The following BBS7 variants were observed in gnomAD, a reference collection of about 807,000 sequenced individuals.
BBS7 encodes Bardet-Biedl syndrome 7.
A neutral mutation model predicts 90.3 loss-of-function variants in BBS7; 50 were observed. That is an observed-to-expected ratio of 0.55 (90% CI 0.44 to 0.70). The LOEUF is 0.70. BBS7 is among the 30% of genes least tolerant of loss of function. BBS7 has a pLI of 0.00. For synonymous variants in BBS7, 235 were observed against 287.4 expected, an observed-to-expected ratio of 0.82 and a Z score of 1.85; for missense variants, 729 against 838.9, an observed-to-expected ratio of 0.87 and a Z score of 1.62.
intron 7 of BBS7, 79 bp downstream of exon 7, chr4:121,854,625 T>C (rs1726500548): frequency 7.3e-7 from 1 of 1,378,324 alleles, no homozygotes; most frequent in Non-Finnish European, 9.8e-7. Context: ...TATAAATAGA[T>C]AAAATAGAAT....
At chr4:121,865,316 G>A (rs556127273) in intron 2 of BBS7, among the ~76,000 whole-genome samples, 1 of 150,788 alleles carries the variant, frequency 6.6e-6, no homozygotes, top group Admixed American at 6.6e-5. Context: ...TCAGCTCACT[G>A]CAACCTCTGC....
chr4:121,848,719 T>A (rs1459606888), intron 9 of BBS7, 125 bp downstream of exon 9: 2 of 721,082 alleles, frequency 2.8e-6, no homozygotes, highest in East Asian at 2.8e-5. Context: ...TTGGAATGGA[T>A]TCCCCATGAA....
chr4:121,839,668 T>G lies in BBS7; in HGVS notation c.1334A>C (p.Tyr445Ser). Residue 445 changes from tyrosine to serine, a missense_variant, in exon 13 of 19, where the codon TAT (tyrosine) becomes TCT (serine). Transcript: ENST00000264499. ...ESNDNFLLAT[Y>S]RCQADTTRLE... Reference sequence around the variant, plus strand: ...CCTTGTAGTATCTGCCTGGCACCGATAAGTGGCAAGAAGGAAGTTGTCGTT... The same window carrying G: ...CCTTGTAGTATCTGCCTGGCACCGAGAAGTGGCAAGAAGGAAGTTGTCGTT... 6.2e-7 allele frequency: 1 copy of G among 1,613,912 alleles called. No homozygotes were observed. The highest frequency in any genetic ancestry group is 1.7e-5 in the Admixed American group (1 of 60,002).
chr4:121,854,848 T>C (rs1358814219), intron 6 of BBS7, 28 bp from the exon 7 acceptor site: 3 of 1,583,210 alleles, frequency 1.9e-6, no homozygotes, highest in Admixed American at 3.3e-5. Flanking sequence ...CAACATATTA[T>C]ATTTATCCTA....
intron 14 of BBS7, 65 bp from the exon 15 acceptor site, chr4:121,833,460 G>T: frequency 7.0e-7 from 1 of 1,421,100 alleles, no homozygotes; most frequent in Non-Finnish European, 9.9e-7. Context: ...ATATGTACAC[G>T]TTAATAAGCA....
chr4:121,839,480 A>T (rs1171436657), intron 13 of BBS7, 151 bp downstream of exon 13: 2 of 673,554 alleles, frequency 3.0e-6, no homozygotes, highest in African/African-American at 3.6e-5. Flanking sequence ...GCTAAATTAC[A>T]TCCTAACTGG....
At chr4:121,860,963 G>A (rs1306952935) in intron 4 of BBS7, among the ~76,000 whole-genome samples, 1 of 152,184 alleles carries the variant, frequency 6.6e-6, no homozygotes, top group Non-Finnish European at 1.5e-5. Context: ...ATTCTTCTAA[G>A]TAGCAAATAT....
chr4:121,852,917 G>T, intron 8 of BBS7, 39 bp downstream of exon 8: 1 of 1,594,810 alleles, frequency 6.3e-7, no homozygotes, highest in South Asian at 1.1e-5. Context: ...ATAATAATTT[G>T]ACAAATAATA....
chr4:121,865,131 A>G (rs551061998), intron 2 of BBS7, among the ~76,000 whole-genome samples: 5 of 152,208 alleles, frequency 3.3e-5, no homozygotes, highest in African/African-American at 1.2e-4. Flanking sequence ...TCCACATATT[A>G]ATGAGAACAT....
chr4:121,857,574 T>C (rs1242495406), intron 5 of BBS7, among the ~76,000 whole-genome samples: 2 of 152,160 alleles, frequency 1.3e-5, no homozygotes, highest in African/African-American at 4.8e-5. Flanking sequence ...GAAAAAAGCA[T>C]GCGGTGCAGA....
chr4:121,846,917 G>A (rs1027385103), intron 10 of BBS7, among the ~76,000 whole-genome samples: 28 of 152,114 alleles, frequency 1.8e-4, no homozygotes, highest in African/African-American at 6.5e-4. Context: ...CCTTTTCACA[G>A]CACACGTCAA....
Position 121,828,672 on chromosome 4 carries a change from T to C in BBS7, c.1733A>G (p.Asp578Gly). ...DNISTISILKDVLSKEATKRK... is the reference protein window; with the variant it reads ...DNISTISILKGVLSKEATKRK... ...TTTTGTAGCTTCTTTAGAAAGCACA[T>C]CTTTTAGGATGGAGATAGTAGAAAT... Residue 578 changes from aspartate (D) to glycine (G), a missense_variant, in exon 16 of 19, where the codon GAT (aspartate) becomes GGT (glycine). By Grantham distance (94) the Asp-to-Gly change is moderately conservative. Coordinates refer to ENST00000264499, the MANE Select transcript of BBS7 (RefSeq NM_176824.3). The C allele has an allele frequency of 6.2e-7, 1 of 1,610,436 alleles. No individual in the cohort carries two copies. The highest frequency in any genetic ancestry group is 8.5e-7 in the Non-Finnish European group (1 of 1,177,480).
chr4:121,855,446 T>C (rs779006680), intron 6 of BBS7, 43 bp downstream of exon 6: 14 of 1,551,828 alleles, frequency 9.0e-6, no homozygotes, highest in Middle Eastern at 1.7e-4. Flanking sequence ...TCACTTACTA[T>C]TAAAACACAT....
At position 121,853,041 on chromosome 4, in the gene BBS7, T is replaced by C. The variant is rs2149077266; in HGVS notation, c.764A>G (p.Lys255Arg). The C allele has an allele frequency of 6.2e-7, 1 of 1,613,854 alleles. No individual in the cohort carries two copies. The highest frequency in any genetic ancestry group is 2.2e-5 in the East Asian group (1 of 44,848). ...DSFDIVGDGV[K>R]DLLVGRDDGM... ...GTCATCTCTCCCAACAAGTAAATCT[T>C]TAACCCCATCACCCACAATGTCAAA... The change falls in exon 8 of 19, where the codon AAA becomes AGA. Residue 255 changes from lysine to arginine, a missense_variant. Physicochemically the swap from Lys to Arg is conservative, Grantham distance 26. Coordinates refer to ENST00000264499, the MANE Select transcript of BBS7 (RefSeq NM_176824.3).
At position 121,833,346 on chromosome 4, in the gene BBS7, G is replaced by A. The variant is rs911151078; in HGVS notation, c.1561C>T (p.His521Tyr). Residue 521 changes from histidine to tyrosine, a missense_variant, in exon 15 of 19, where the codon CAC becomes TAC. His to Tyr is a moderately conservative substitution (Grantham distance 83). Transcript: ENST00000264499. ...GGCAGACAAAAAACCACCCAGGAGT[G>A]AACTTCAGCAAAACTGAACTGGCCT... is the stretch of plus-strand genomic sequence containing the variant. ...LTGQFSFAEV[H>Y]SWVVFCLPEV... 4.3e-6 allele frequency: 7 copies of A among 1,613,890 alleles called. No homozygotes were observed. The highest frequency in any genetic ancestry group is 5.9e-6 in the Non-Finnish European group (7 of 1,179,944).
At chr4:121,845,043 A>C (rs961505316) in intron 11 of BBS7, among the ~76,000 whole-genome samples, 47 of 152,196 alleles carry the variant, frequency 3.1e-4, no homozygotes, top group Admixed American at 6.5e-5. Context: ...CCAATTATCT[A>C]AAGGAAGAAT....
Position 121,824,422 on chromosome 4 carries a change from A to G in BBS7, c.*1438T>C, listed in dbSNP as rs1006797129. 1 of 152,218 alleles carries G rather than the reference A, an allele frequency of 6.6e-6. No individual in the cohort carries two copies. Among genetic ancestry groups the G allele is most frequent in the African/African-American group, 2.4e-5 (1 of 41,452 alleles). The allele number at this position is 152,218 out of a possible 1,614,324, so 9.4% of individuals were successfully genotyped here. ...AGCTCACATAGTAATACAGTACTCA[A>G]GTGTCAAGACTGTAATGTCATCTTA... On this transcript the variant is annotated 3_prime_UTR_variant, in exon 19 of 19. Coordinates refer to ENST00000264499, the MANE Select transcript of BBS7 (RefSeq NM_176824.3). This position sits in a 1 kb window ranked among gnomAD's most constrained non-coding sequence, Gnocchi z 4.1.
At chr4:121,831,550 A>T (rs966482838) in intron 15 of BBS7, among the ~76,000 whole-genome samples, 21 of 152,174 alleles carry the variant, frequency 1.4e-4, no homozygotes, top group African/African-American at 5.1e-4. Flanking sequence ...ACAGAATGAT[A>T]AAAGAGCAAA....
In BBS7 at chr4:121,854,689, A is replaced by G. The variant is rs771104881; in HGVS notation, c.718+15T>C. On this transcript the variant is annotated intron_variant, in intron 7 of 18. Transcript: ENST00000264499. ...TCATTGACACCTCAGAATCTGAACT[A>G]CATGAAAAGCATACCTCCTCTCTTT... 6.2e-7 allele frequency: 1 copy of G among 1,609,178 alleles called. No homozygotes were observed. The highest frequency in any genetic ancestry group is 8.5e-7 in the Non-Finnish European group (1 of 1,177,090).
Sources: gnomAD v4.1 joint callset for allele counts (sites outside exome capture counted in the v4.1 genomes callset) on GRCh38, gnomAD v4.1.1 for gene constraint, Gnocchi (gnomAD v3.1) non-coding constraint, MANE v1.5 for transcripts, NCBI Gene and HGNC (gene_info 2026-07-23, HGNC 2026-07-21) for gene names.